EEIG2: variants seen among roughly 807,000 people sequenced by gnomAD.
EEIG2 encodes EEIG family member 2.
the EEIG2 span, among the ~76,000 whole-genome samples, chr1:108,629,373 C>G: frequency 6.6e-6 from 1 of 152,150 alleles, no homozygotes; most frequent in East Asian, 1.9e-4. Context: ...CTCCATTACT[C>G]AGTTAAAAGA....
At chr1:108,562,431 A>G in the EEIG2 span, among the ~76,000 whole-genome samples, 2 of 152,228 alleles carry the variant, frequency 1.3e-5, no homozygotes, top group Admixed American at 6.5e-5. Flanking sequence ...GATTAGGAAT[A>G]GTGCTCTGTG....
chr1:108,566,991 C>A, the EEIG2 span, among the ~76,000 whole-genome samples: 1 of 151,942 alleles, frequency 6.6e-6, no homozygotes, highest in Admixed American at 6.6e-5. Context: ...GAGAATAGAT[C>A]ATAAGTGTTC....
At chr1:108,606,915 G>C in the EEIG2 span, among the ~76,000 whole-genome samples, 1 of 152,000 alleles carries the variant, frequency 6.6e-6, no homozygotes, top group East Asian at 1.9e-4. Flanking sequence ...CTCCTGCCTT[G>C]GCCTCCCAAA....
chr1:108,562,635 A>G, the EEIG2 span, among the ~76,000 whole-genome samples: 3 of 152,194 alleles, frequency 2.0e-5, no homozygotes, highest in Non-Finnish European at 2.9e-5. Flanking sequence ...TTCTGTATGT[A>G]AAATAGAAAC....
the EEIG2 span, among the ~76,000 whole-genome samples, chr1:108,587,909 T>C: frequency 3.3e-5 from 5 of 152,104 alleles, no homozygotes; most frequent in African/African-American, 1.2e-4. Context: ...AAAATAAATT[T>C]TGTGAGTTTG....
chr1:108,567,993 T>C, the EEIG2 span, among the ~76,000 whole-genome samples: 6 of 151,654 alleles, frequency 4.0e-5, no homozygotes, highest in Non-Finnish European at 8.8e-5. Context: ...AGCAGGACTC[T>C]GTCTCAAAAA....
chr1:108,587,561 C>G, the EEIG2 span, among the ~76,000 whole-genome samples: 1 of 152,162 alleles, frequency 6.6e-6, no homozygotes, highest in Non-Finnish European at 1.5e-5. Flanking sequence ...CCTCTGTGCT[C>G]CACTTGTTCA....
chr1:108,560,855 C>A, the EEIG2 span, among the ~76,000 whole-genome samples: 1 of 152,058 alleles, frequency 6.6e-6, no homozygotes, highest in Non-Finnish European at 1.5e-5. Context: ...TAAGACATTT[C>A]CATATTTGTG....
the EEIG2 span, among the ~76,000 whole-genome samples, chr1:108,587,584 C>T: frequency 6.6e-6 from 1 of 152,268 alleles, no homozygotes. Context: ...CCTCCTACTC[C>T]CAACCCCTGG....
chr1:108,604,880 AAG>A, the EEIG2 span, among the ~76,000 whole-genome samples: 10 of 151,048 alleles, frequency 6.6e-5, no homozygotes, highest in African/African-American at 1.7e-4. Context: ...AAAAAAAAAA[AAG>A]AGAAAAAAAA....
the EEIG2 span, among the ~76,000 whole-genome samples, chr1:108,629,287 G>A: frequency 1.3e-5 from 2 of 152,098 alleles, no homozygotes; most frequent in South Asian, 4.1e-4. Context: ...CTTAACAGTG[G>A]ACTTATTTTC....
chr1:108,616,065 TAAA>T, the EEIG2 span, among the ~76,000 whole-genome samples: 1 of 152,072 alleles, frequency 6.6e-6, no homozygotes, highest in South Asian at 2.1e-4. Context: ...TTTTGAATGT[TAAA>T]AATGATTTTA....
At chr1:108,567,166 A>T in the EEIG2 span, among the ~76,000 whole-genome samples, 1,498 of 152,200 alleles carry the variant, frequency 9.8e-3, 23 homozygotes, top group African/African-American at 0.033. Flanking sequence ...AAAATAAAAA[A>T]TTTTTTAATT....
the EEIG2 span, among the ~76,000 whole-genome samples, chr1:108,582,923 G>A: frequency 1.3e-5 from 2 of 152,102 alleles, no homozygotes; most frequent in African/African-American, 4.8e-5. Context: ...GGCAGGCCTT[G>A]GGTGCAGTCA....
chr1:108,612,638 G>A, the EEIG2 span, among the ~76,000 whole-genome samples: 7,872 of 152,284 alleles, frequency 0.052, 306 homozygotes, highest in East Asian at 0.17. Context: ...TTACAGAGCA[G>A]CTGCGATAGG....
chr1:108,584,130 T>C, the EEIG2 span, among the ~76,000 whole-genome samples: 1 of 152,156 alleles, frequency 6.6e-6, no homozygotes. Flanking sequence ...TAACTTCTTT[T>C]GGAAGCCCTG....
At chr1:108,606,750 GA>G in the EEIG2 span, among the ~76,000 whole-genome samples, 2 of 152,216 alleles carry the variant, frequency 1.3e-5, no homozygotes, top group African/African-American at 4.8e-5. Context: ...CAGTCTCTGT[GA>G]ATGGTACCTC....
At chr1:108,586,637 C>T in the EEIG2 span, among the ~76,000 whole-genome samples, 5 of 151,936 alleles carry the variant, frequency 3.3e-5, no homozygotes, top group Admixed American at 2.6e-4. Context: ...GGGAAAACCA[C>T]GAAGGCAGAC....
At chr1:108,617,998 T>C in the EEIG2 span, among the ~76,000 whole-genome samples, 1 of 152,006 alleles carries the variant, frequency 6.6e-6, no homozygotes, top group East Asian at 1.9e-4. Flanking sequence ...AGGAGAAAAA[T>C]TGGAGACAGT....
Sources: allele counts gnomAD v4.1 joint callset (sites outside exome capture counted in the v4.1 genomes callset), GRCh38; gene constraint gnomAD v4.1.1; transcripts MANE v1.5; gene names NCBI Gene and HGNC (gene_info 2026-07-23, HGNC 2026-07-21).